TOMM70: variants seen among roughly 807,000 people sequenced by gnomAD.
TOMM70 encodes the protein mitochondrial import receptor subunit TOM70.
TOMM70 carries 13 observed loss-of-function variants against 73.6 expected under a neutral mutation model. That is an observed-to-expected ratio of 0.18 (90% confidence interval 0.11 to 0.28). The LOEUF (loss-of-function observed/expected upper bound fraction) is 0.28, where lower values mean the gene tolerates loss of function less well. TOMM70 is among the 10% of genes least tolerant of loss of function. The pLI is 1.00. For missense variants in TOMM70, 609 were observed against 747.5 expected (o/e 0.81, Z 2.16); for synonymous variants, 257 against 271.2 (o/e 0.95, Z 0.51).
At chr3:100,395,325 C>T (rs1020586848) in intron 1 of TOMM70, among the ~76,000 whole-genome samples, 11 of 152,030 alleles carry the variant, frequency 7.2e-5, no homozygotes, top group South Asian at 2.1e-4. Flanking sequence ...GCCGAGATTG[C>T]GCCACTACAC....
rs1208446040 is a variant in TOMM70 at position 100,368,475 on chromosome 3, A to C, written c.1551-309T>G. ...AATTCAAGTACGCAAGGACACGAAC[A>C]CTTGTGTATGCTTCGTATTTGGATA... On this transcript the variant is annotated intron_variant, in intron 10 of 11. Transcript: ENST00000284320. 2.0e-5 allele frequency among the ~76,000 whole-genome samples: 3 copies of C among 152,206 alleles called. No individual in the cohort carries two copies. In the East Asian group the frequency reaches 5.8e-4, roughly 29 times the overall value.
At chr3:100,374,367 G>A (rs1462836056) in intron 7 of TOMM70, among the ~76,000 whole-genome samples, 2 of 152,140 alleles carry the variant, frequency 1.3e-5, no homozygotes, top group African/African-American at 2.4e-5. Flanking sequence ...GCCTAATAAT[G>A]CACTTCCCTG....
chr3:100,391,584 G>A (rs1006988508), intron 1 of TOMM70, among the ~76,000 whole-genome samples: 1 of 152,156 alleles, frequency 6.6e-6, no homozygotes, highest in Non-Finnish European at 1.5e-5. Context: ...GCTGTACAAT[G>A]TGCTTGTGTT....
At chr3:100,387,076 T>C in intron 1 of TOMM70, 98 bp from the exon 2 acceptor site, 4 of 1,271,834 alleles carry the variant, frequency 3.1e-6, no homozygotes, top group Non-Finnish European at 4.4e-6. Flanking sequence ...GAAGACAGAA[T>C]GGCTGTTTAC....
In TOMM70 at chr3:100,372,735, A is replaced by C. The variant is rs1706524785; in HGVS notation, c.1336-13T>G. 1.3e-6 allele frequency: 2 copies of C among 1,597,978 alleles called. No homozygotes were observed. Among genetic ancestry groups the C allele is most frequent in the Admixed American group, 3.4e-5 (2 of 58,362 alleles). On this transcript the variant is annotated splice_polypyrimidine_tract_variant and intron_variant, in intron 8 of 11. Transcript: ENST00000284320. ...ATGCCTGGCGGTACTATAAAAAATCAAAACAGGCCTGTCAAATCAAGAACT... is the reference window on the plus strand; with the variant it reads ...ATGCCTGGCGGTACTATAAAAAATCCAAACAGGCCTGTCAAATCAAGAACT...
At chr3:100,374,387 A>G (rs1016355880) in intron 7 of TOMM70, among the ~76,000 whole-genome samples, 1 of 152,204 alleles carries the variant, frequency 6.6e-6, no homozygotes, top group Non-Finnish European at 1.5e-5. Flanking sequence ...GGCAGGACAC[A>G]TGACCCTATT....
intron 1 of TOMM70, among the ~76,000 whole-genome samples, chr3:100,399,206 G>C (rs1486989720): frequency 6.6e-6 from 1 of 151,676 alleles, no homozygotes; most frequent in Non-Finnish European, 1.5e-5. Flanking sequence ...TTGAACCCAG[G>C]AGGCGGAGGT....
intron 2 of TOMM70, among the ~76,000 whole-genome samples, chr3:100,386,574 T>C (rs1305147152): frequency 2.0e-5 from 3 of 152,190 alleles, no homozygotes; most frequent in Non-Finnish European, 4.4e-5. Context: ...TTCTATACTA[T>C]CTAATTTTAT....
intron 8 of TOMM70, 39 bp from the exon 9 acceptor site, chr3:100,372,761 C>A: frequency 6.7e-7 from 1 of 1,503,146 alleles, no homozygotes; most frequent in Non-Finnish European, 9.2e-7. Context: ...ATCAAGAACT[C>A]AAAAACTCAT....
chr3:100,368,306 A>G, intron 10 of TOMM70, 140 bp from the exon 11 acceptor site: 1 of 1,071,880 alleles, frequency 9.3e-7, no homozygotes, highest in Non-Finnish European at 1.3e-6. Flanking sequence ...AATCAGCATC[A>G]AATTGTGTTT....
At chr3:100,366,015 G>C (rs1706444366) in intron 11 of TOMM70, among the ~76,000 whole-genome samples, 1 of 152,204 alleles carries the variant, frequency 6.6e-6, no homozygotes. Context: ...TTACTGATAA[G>C]AACAGTCAGA....
At chr3:100,376,456 C>T (rs1440504472) in intron 6 of TOMM70, among the ~76,000 whole-genome samples, 1 of 149,506 alleles carries the variant, frequency 6.7e-6, no homozygotes, top group African/African-American at 2.5e-5. Flanking sequence ...CTTGACCTCC[C>T]AGGTACAGGT....
At chr3:100,372,503 C>A in intron 9 of TOMM70, 103 bp downstream of exon 9, 1 of 917,594 alleles carries the variant, frequency 1.1e-6, no homozygotes, top group Non-Finnish European at 1.7e-6. Context: ...AAGCCACCTG[C>A]TTCCAAAGAA....
In TOMM70 at chr3:100,386,221, C is replaced by T; in HGVS notation, c.622G>A (p.Glu208Lys). The change falls in exon 3 of 12, where the codon GAA becomes AAA. Residue 208 changes from glutamate (E) to lysine (K), a missense_variant. By Grantham distance (56) the Glu-to-Lys change is moderately conservative. Around this residue, in one of 2 missense-constraint regions of TOMM70, gnomAD observed 432 missense variants for 584.1 expected, o/e 0.74. Coordinates refer to ENST00000284320, the MANE Select transcript of TOMM70 (RefSeq NM_014820.5). Reference protein sequence around the residue: ...EKLDNKKECLEDVTAVCILEG... With the variant: ...EKLDNKKECLKDVTAVCILEG... ...GTAAACACAAAATTACCCTCACCTT[C>T]TAAACATTCCTTCTTATTGTCTAGC... 2 of 1,608,194 alleles carry T rather than the reference C, an allele frequency of 1.2e-6. No individual in the cohort carries two copies. Among genetic ancestry groups the T allele is most frequent in the Non-Finnish European group, 1.7e-6 (2 of 1,177,590 alleles).
intron 6 of TOMM70, among the ~76,000 whole-genome samples, chr3:100,376,474 C>A (rs529623078): frequency 2.6e-5 from 4 of 151,164 alleles, no homozygotes; most frequent in Admixed American, 2.6e-4. Flanking sequence ...GGTGATCCTC[C>A]CATCTCAGCC....
At chr3:100,384,972 A>G (rs1404366978) in intron 3 of TOMM70, among the ~76,000 whole-genome samples, 1 of 152,234 alleles carries the variant, frequency 6.6e-6, no homozygotes, top group African/African-American at 2.4e-5. Context: ...CTCCAAAGCC[A>G]TCTTGCCACA....
intron 9 of TOMM70, 23 bp downstream of exon 9, chr3:100,372,583 A>T (rs556219192): frequency 3.2e-5 from 51 of 1,571,022 alleles, no homozygotes; most frequent in African/African-American, 2.0e-4. Flanking sequence ...AGTTATTTTT[A>T]AAAAACCTGA....
intron 2 of TOMM70, 34 bp from the exon 3 acceptor site, chr3:100,386,378 A>G: frequency 6.3e-7 from 1 of 1,579,240 alleles, no homozygotes; most frequent in Non-Finnish European, 8.6e-7. Flanking sequence ...AAGTCACACT[A>G]AAGAAAGTAC....
Position 100,365,594 on chromosome 3 carries a change from C to A in TOMM70, c.1797G>T (p.Lys599Asn). 2 of 1,614,162 alleles carry A rather than the reference C, an allele frequency of 1.2e-6. No individual in the cohort carries two copies. Among genetic ancestry groups the A allele is most frequent in the Non-Finnish European group, 1.7e-6 (2 of 1,180,010 alleles). The change falls in exon 12 of 12, where the codon AAG (lysine) becomes AAT (asparagine). Residue 599 changes from lysine to asparagine, a missense_variant. Transcript: ENST00000284320. ...ATGTTGGTGGTTTTAATCCGTATTT[C>A]TTTGCAACTTCTGTCTGGGCATGGG... The part of the protein sequence containing the change: ...DAAHAQTEVA[K>N]KYGLKPPTL
Sources: gnomAD v4.1 joint callset for allele counts (sites outside exome capture counted in the v4.1 genomes callset) on GRCh38, gnomAD v4.1.1 for gene constraint, gnomAD v4.1.1 regional missense constraint, MANE v1.5 for transcripts, NCBI Gene and HGNC (gene_info 2026-07-23, HGNC 2026-07-21) for gene names.